APBA2: variants seen among roughly 807,000 people sequenced by gnomAD.
APBA2 encodes amyloid-beta A4 precursor protein-binding family A member 2.
Under a neutral mutation model 75.0 loss-of-function variants are expected in APBA2, and 30 were observed. The observed-to-expected ratio is 0.40, with a 90% CI of 0.30 to 0.54. The LOEUF is 0.54. Ranked by LOEUF, APBA2 falls within the 20% of genes least tolerant of loss-of-function variation. APBA2 has a pLI of 0.49. For missense variants in APBA2, 801 were observed against 1,016.1 expected, an observed-to-expected ratio of 0.79 and a Z score of 2.88; for synonymous variants, 444 against 409.6, an observed-to-expected ratio of 1.08 and a Z score of -1.01.
chr15:29,035,269 A>G (rs917061600), intron 3 of APBA2, among the ~76,000 whole-genome samples: 2 of 152,216 alleles, frequency 1.3e-5, no homozygotes, highest in African/African-American at 4.8e-5. Flanking sequence ...AGAACATCGA[A>G]TGATTGCAAT....
chr15:28,962,484 G>A (rs1432299393), intron 2 of APBA2, among the ~76,000 whole-genome samples: 4 of 152,072 alleles, frequency 2.6e-5, no homozygotes, highest in African/African-American at 4.8e-5. Context: ...CAGGGGAATC[G>A]CTTGAACCCA....
chr15:29,071,941 G>C lies in APBA2; in HGVS notation c.952-2980G>C, dbSNP rs148252884. 2.4e-3 allele frequency among the ~76,000 whole-genome samples: 368 copies of C among 152,110 alleles called. 2 individuals carry two copies. Among genetic ancestry groups the C allele is most frequent in the African/African-American group, 8.2e-3 (341 of 41,514 alleles). ...GGGAGTCCCATGGGTAGGGCATGGG[G>C]GTGCAGCCATCAGTCTGTGTCCCCA... On this transcript the variant is annotated intron_variant, in intron 4 of 14. Coordinates refer to ENST00000683413, the MANE Select transcript of APBA2 (RefSeq NM_001353788.2).
At chr15:29,000,901 G>A (rs1375872889) in intron 3 of APBA2, among the ~76,000 whole-genome samples, 1 of 152,212 alleles carries the variant, frequency 6.6e-6, no homozygotes, top group Non-Finnish European at 1.5e-5. Context: ...AATGAGCCAG[G>A]CTTTGCACAT....
intron 1 of APBA2, among the ~76,000 whole-genome samples, chr15:28,910,360 G>A (rs1282169949): frequency 6.6e-6 from 1 of 152,188 alleles, no homozygotes; most frequent in African/African-American, 2.4e-5. Context: ...AGCACCAGGG[G>A]CAGGAAATGA....
chr15:29,034,805 G>T (rs542996041), intron 3 of APBA2, among the ~76,000 whole-genome samples: 15 of 152,276 alleles, frequency 9.9e-5, no homozygotes, highest in African/African-American at 3.6e-4. Context: ...TCATTGGTCT[G>T]GGGGAGGGCC....
chr15:28,995,395 C>G (rs1463955826), intron 2 of APBA2, among the ~76,000 whole-genome samples: 1 of 152,304 alleles, frequency 6.6e-6, no homozygotes, highest in East Asian at 1.9e-4. Flanking sequence ...GAAGCACCAG[C>G]TCTGCAAACC....
chr15:29,116,985 C>T, intron 14 of APBA2, 77 bp from the exon 15 acceptor site: 2 of 1,489,562 alleles, frequency 1.3e-6, no homozygotes, highest in Non-Finnish European at 1.9e-6. Context: ...GGGGGTTTGC[C>T]TCTGTCCTTT....
chr15:28,892,455 AT>A (rs1206766906), intron 1 of APBA2, among the ~76,000 whole-genome samples: 76 of 152,322 alleles, frequency 5.0e-4, no homozygotes, highest in African/African-American at 1.7e-3. Flanking sequence ...TGCCCACAGT[AT>A]TCAGCGTGGT....
rs150751575 is a variant in APBA2, at chr15:28,945,248, AAGTC to A, written c.-95+23502_-95+23505del. 4.8e-3 allele frequency among the ~76,000 whole-genome samples: 728 copies of A among 152,218 alleles called. 6 individuals carry two copies. Among genetic ancestry groups the A allele is most frequent in the African/African-American group, 0.017 (690 of 41,506 alleles). ...TATTCAGCCGACCATTAAAAAGTGA[AAGTC>A]AGAAGCAATGTAAGTCAAAACTCAG... is the stretch of plus-strand genomic sequence containing the variant. On this transcript the variant is annotated intron_variant, in intron 2 of 14. Coordinates refer to ENST00000683413, the MANE Select transcript of APBA2 (RefSeq NM_001353788.2).
chr15:29,058,817 A>C (rs2152897924), intron 4 of APBA2, among the ~76,000 whole-genome samples: 1 of 152,392 alleles, frequency 6.6e-6, no homozygotes, highest in Non-Finnish European at 1.5e-5. Flanking sequence ...TTACTGAGGA[A>C]AATTTGGAAA....
intron 13 of APBA2, among the ~76,000 whole-genome samples, chr15:29,112,808 C>G (rs748575100): frequency 6.6e-6 from 1 of 152,184 alleles, no homozygotes; most frequent in Admixed American, 6.5e-5. Flanking sequence ...CTCTCCTGCA[C>G]GTCTTCCTCC....
intron 2 of APBA2, among the ~76,000 whole-genome samples, chr15:28,949,623 C>T (rs2035742238): frequency 6.6e-6 from 1 of 152,124 alleles, no homozygotes; most frequent in Non-Finnish European, 1.5e-5. Flanking sequence ...TGAGCACCAC[C>T]ATGCCTGGCT....
intron 1 of APBA2, among the ~76,000 whole-genome samples, chr15:28,888,149 T>C (rs36137956): frequency 0.45 from 68,042 of 152,082 alleles, 15,528 homozygotes; most frequent in Non-Finnish European, 0.47. Flanking sequence ...CCTCTTTTTT[T>C]CAACAAAATG....
At chr15:29,082,504 C>T (rs1260439238) in intron 6 of APBA2, among the ~76,000 whole-genome samples, 2 of 152,156 alleles carry the variant, frequency 1.3e-5, no homozygotes, top group African/African-American at 2.4e-5. Flanking sequence ...CCCCATTTCC[C>T]CCACCCCTCA....
At position 29,060,416 on chromosome 15, in the gene APBA2, C is replaced by T. The variant is rs1008826353; in HGVS notation, c.951+5581C>T. Among the ~76,000 whole-genome samples, 4 of 152,094 alleles carry T rather than the reference C, an allele frequency of 2.6e-5. No individual in the cohort carries two copies. In the East Asian group the frequency reaches 7.7e-4, roughly 29 times the overall value. ...GCCTCTGAACAGTGCATAACACAGC[C>T]CTTGAAGAACCTGAGAAGAGAAAGC... On this transcript the variant is annotated intron_variant, in intron 4 of 14. Coordinates refer to ENST00000683413, the MANE Select transcript of APBA2 (RefSeq NM_001353788.2).
At chr15:28,909,962 G>A (rs1010179615) in intron 1 of APBA2, among the ~76,000 whole-genome samples, 9 of 152,142 alleles carry the variant, frequency 5.9e-5, no homozygotes, top group African/African-American at 2.2e-4. Flanking sequence ...TACCAGAGCC[G>A]GGGAGGTCGT....
chr15:29,097,841 C>T (rs2043926486), intron 8 of APBA2, among the ~76,000 whole-genome samples: 1 of 152,184 alleles, frequency 6.6e-6, no homozygotes. Context: ...CTGATAACCA[C>T]CATTCAGCTC....
At chr15:28,966,627 T>C (rs2036753299) in intron 2 of APBA2, among the ~76,000 whole-genome samples, 1 of 152,194 alleles carries the variant, frequency 6.6e-6, no homozygotes, top group Non-Finnish European at 1.5e-5. Flanking sequence ...TTTAAATCCA[T>C]TCTGCCAATG....
In APBA2 at chr15:28,886,076, C is replaced by T. The variant is rs2031693618; in HGVS notation, c.-407C>T. 6.7e-6 allele frequency: 1 copy of T among 149,250 alleles called. No homozygotes were observed. Among genetic ancestry groups the T allele is most frequent in the Non-Finnish European group, 1.5e-5 (1 of 67,006 alleles). 9.2% of individuals were successfully genotyped at this position (149,250 alleles called of 1,614,324 possible). A position where few individuals can be genotyped will look rare whatever the true frequency, so the allele number is the denominator to read the frequency against. On this transcript the variant is annotated 5_prime_UTR_variant, in exon 1 of 15. Transcript: ENST00000683413. The stretch of plus-strand genomic sequence containing the variant: ...CGCCCCGCAGCCGCGCCGCGTGCGC[C>T]CGGCAGAGGCGGCCCTGCGTGCCGT...
Sources: gnomAD v4.1 joint callset for allele counts (sites outside exome capture counted in the v4.1 genomes callset) on GRCh38, gnomAD v4.1.1 for gene constraint, MANE v1.5 for transcripts, NCBI Gene and HGNC (gene_info 2026-07-23, HGNC 2026-07-21) for gene names.